The following SLC30A7 variants were observed in gnomAD, a reference collection of about 807,000 sequenced individuals.
SLC30A7 encodes solute carrier family 30 member 7, also known as zinc transporter 7.
SLC30A7 carries 35 observed loss-of-function variants against 46.0 expected under a neutral mutation model. The ratio of observed to expected loss-of-function variants is 0.76; its 90% confidence interval spans 0.58 to 1.01. The LOEUF (loss-of-function observed/expected upper bound fraction) is 1.01. Among genes scored for constraint, SLC30A7 ranks in the 50% least tolerant of loss-of-function variants. The pLI is 0.00. For synonymous variants in SLC30A7, 147 were observed against 157.8 expected, an observed-to-expected ratio of 0.93 and a Z score of 0.51; for missense variants, 464 against 451.1, an observed-to-expected ratio of 1.03 and a Z score of -0.26.
rs184067313 is a variant in SLC30A7, at chr1:100,916,378, G to A, written c.656-1699G>A. ...CTTTTTGTATTTTTAGTAGAGACGA[G>A]GTTTCACCGTGTTAGCCAGGATGGT... On this transcript the variant is annotated intron_variant, in intron 6 of 10. Transcript: ENST00000357650. 5.4e-3 allele frequency among the ~76,000 whole-genome samples: 820 copies of A among 152,138 alleles called. 2 individuals carry two copies. The highest frequency in any genetic ancestry group is 0.019 in the African/African-American group (797 of 41,508).
chr1:100,911,400 T>C (rs1188297066), intron 4 of SLC30A7, among the ~76,000 whole-genome samples: 1 of 152,182 alleles, frequency 6.6e-6, no homozygotes, highest in Non-Finnish European at 1.5e-5. Context: ...CTATGAAATG[T>C]AGAGGCACAA....
At chr1:100,907,417 A>G (rs1426958327) in intron 3 of SLC30A7, among the ~76,000 whole-genome samples, 3 of 152,148 alleles carry the variant, frequency 2.0e-5, no homozygotes, top group African/African-American at 7.2e-5. Flanking sequence ...CAATTAATCA[A>G]ATATTTGTAG....
rs1656571280 is a variant in SLC30A7 at position 100,977,067 on chromosome 1, G to A, written c.*2210G>A. On this transcript the variant is annotated 3_prime_UTR_variant, in exon 11 of 11. Coordinates refer to ENST00000357650, the MANE Select transcript of SLC30A7 (RefSeq NM_133496.5). ...TGAGAGAACTCTGGGATATTCTGTG[G>A]GTTTTGGCATATTAGATAGAGAAAA... 1 of 152,038 alleles carries A rather than the reference G, an allele frequency of 6.6e-6. No individual in the cohort carries two copies. Among genetic ancestry groups the A allele is most frequent in the South Asian group, 2.1e-4 (1 of 4,808 alleles). The allele number at this position is 152,038 out of a possible 1,614,324, so 9.4% of individuals were successfully genotyped here. A position where few individuals can be genotyped will look rare whatever the true frequency, so the allele number is the denominator to read the frequency against.
chr1:100,962,980 T>G (rs1417220381), intron 9 of SLC30A7, among the ~76,000 whole-genome samples: 1 of 152,158 alleles, frequency 6.6e-6, no homozygotes, highest in Non-Finnish European at 1.5e-5. Flanking sequence ...TTACTGAGAC[T>G]GAGGCCTTGT....
At chr1:100,898,091 A>G (rs1294053721) in intron 2 of SLC30A7, among the ~76,000 whole-genome samples, 1 of 151,560 alleles carries the variant, frequency 6.6e-6, no homozygotes, top group African/African-American at 2.4e-5. Flanking sequence ...TAGCTTATAT[A>G]TGCATATTTT....
At chr1:100,937,516 C>T (rs745723294) in intron 8 of SLC30A7, among the ~76,000 whole-genome samples, 1 of 152,050 alleles carries the variant, frequency 6.6e-6, no homozygotes, top group East Asian at 1.9e-4. Flanking sequence ...AACCCATTAA[C>T]GTAATGCGTA....
At chr1:100,916,376 G>A (rs1028426012) in intron 6 of SLC30A7, among the ~76,000 whole-genome samples, 4 of 151,924 alleles carry the variant, frequency 2.6e-5, no homozygotes, top group East Asian at 1.9e-4. Flanking sequence ...TAGTAGAGAC[G>A]AGGTTTCACC....
chr1:100,987,203 G>A, the SLC30A7 span, among the ~76,000 whole-genome samples: 1 of 151,982 alleles, frequency 6.6e-6, no homozygotes, highest in East Asian at 1.9e-4. Flanking sequence ...TGTTACGTTA[G>A]TTATGATTTT....
At chr1:100,955,612 A>G (rs749629968) in intron 8 of SLC30A7, among the ~76,000 whole-genome samples, 3 of 152,122 alleles carry the variant, frequency 2.0e-5, no homozygotes, top group Non-Finnish European at 2.9e-5. Context: ...TAGCTCAGTC[A>G]GGAATTTGCT....
intron 8 of SLC30A7, among the ~76,000 whole-genome samples, chr1:100,931,333 CCT>C (rs1345401269): frequency 2.0e-5 from 3 of 152,156 alleles, no homozygotes; most frequent in Non-Finnish European, 4.4e-5. Context: ...CCACTCATTT[CCT>C]CTCTCTGCCA....
chr1:100,932,559 T>C (rs1036917119), intron 8 of SLC30A7, among the ~76,000 whole-genome samples: 1 of 152,182 alleles, frequency 6.6e-6, no homozygotes, highest in Admixed American at 6.5e-5. Context: ...AATCTAATGA[T>C]GGTATATATG....
chr1:100,939,500 A>G (rs550994950), intron 8 of SLC30A7, among the ~76,000 whole-genome samples: 1 of 152,226 alleles, frequency 6.6e-6, no homozygotes, highest in African/African-American at 2.4e-5. Flanking sequence ...AAAACACAGA[A>G]GTCGACTCGA....
the SLC30A7 span, among the ~76,000 whole-genome samples, chr1:100,993,504 A>ATG: frequency 6.9e-6 from 1 of 145,980 alleles, no homozygotes; most frequent in Non-Finnish European, 1.5e-5. Context: ...GCGAGCTGAG[A>ATG]TGACACCACT....
At chr1:100,971,304 TC>T (rs1357071944) in intron 10 of SLC30A7, among the ~76,000 whole-genome samples, 2 of 152,052 alleles carry the variant, frequency 1.3e-5, no homozygotes, top group African/African-American at 4.8e-5. Context: ...TTTCCACCTT[TC>T]CTTTTTTTTT....
intron 8 of SLC30A7, among the ~76,000 whole-genome samples, chr1:100,950,594 A>G (rs1271030846): frequency 6.6e-6 from 1 of 152,032 alleles, no homozygotes; most frequent in Non-Finnish European, 1.5e-5. Flanking sequence ...CACTGGGGTT[A>G]TTTTTACTGT....
intron 3 of SLC30A7, among the ~76,000 whole-genome samples, chr1:100,910,543 G>A (rs1165761154): frequency 6.6e-6 from 1 of 152,062 alleles, no homozygotes; most frequent in East Asian, 1.9e-4. Flanking sequence ...AGTTGTCTCT[G>A]GCATAAGTCA....
intron 8 of SLC30A7, among the ~76,000 whole-genome samples, chr1:100,951,103 G>A (rs1233113135): frequency 3.3e-5 from 5 of 152,202 alleles, no homozygotes; most frequent in African/African-American, 1.2e-4. Context: ...GCTGAAAAGT[G>A]AGGGAGTGTG....
At chr1:100,972,971 T>C (rs1268170987) in intron 10 of SLC30A7, among the ~76,000 whole-genome samples, 1 of 152,020 alleles carries the variant, frequency 6.6e-6, no homozygotes, top group African/African-American at 2.4e-5. Context: ...CTGTCTTTTT[T>C]TCTGCCACAT....
intron 8 of SLC30A7, among the ~76,000 whole-genome samples, chr1:100,924,961 G>A (rs1327308592): frequency 6.6e-6 from 1 of 152,200 alleles, no homozygotes; most frequent in East Asian, 1.9e-4. Flanking sequence ...GATCTTCACT[G>A]TCTTGATCCT....
Sources: gnomAD v4.1 joint callset for allele counts (sites outside exome capture counted in the v4.1 genomes callset) on GRCh38, gnomAD v4.1.1 for gene constraint, MANE v1.5 for transcripts, NCBI Gene and HGNC (gene_info 2026-07-23, HGNC 2026-07-21) for gene names.